The following GAREM1 variants were observed in gnomAD, a reference collection of about 807,000 sequenced individuals.
GAREM1 encodes GRB2-associated and regulator of MAPK protein 1.
A neutral mutation model predicts 71.3 loss-of-function variants in GAREM1; 26 were observed. The ratio of observed to expected loss-of-function variants is 0.36; its 90% confidence interval spans 0.27 to 0.51. The LOEUF is 0.51. Among genes scored for constraint, GAREM1 ranks in the 20% least tolerant of loss-of-function variants. The pLI is 0.95. For missense variants in GAREM1, 1,026 were observed against 1,103.1 expected (o/e 0.93, Z 0.99); for synonymous variants, 440 against 433.2 (o/e 1.02, Z -0.20).
chr18:32,376,622 G>C (rs774864033), intron 2 of GAREM1, among the ~76,000 whole-genome samples: 1 of 152,198 alleles, frequency 6.6e-6, no homozygotes, highest in Non-Finnish European at 1.5e-5. Flanking sequence ...TGGATCACCT[G>C]AGGTCAGAAG....
chr18:32,409,554 G>A (rs1027197420), intron 1 of GAREM1, among the ~76,000 whole-genome samples: 1 of 152,062 alleles, frequency 6.6e-6, no homozygotes, highest in Non-Finnish European at 1.5e-5. Context: ...TAAGCAAAAA[G>A]GAATGCATGA....
intron 2 of GAREM1, among the ~76,000 whole-genome samples, chr18:32,315,031 GT>G (rs1461522051): frequency 1.3e-5 from 2 of 152,060 alleles, no homozygotes; most frequent in Non-Finnish European, 2.9e-5. Context: ...TTTATGATGA[GT>G]ATTTTAGAAA....
At chr18:32,291,103 G>A (rs1035844134) in intron 3 of GAREM1, among the ~76,000 whole-genome samples, 1 of 151,920 alleles carries the variant, frequency 6.6e-6, no homozygotes, top group Non-Finnish European at 1.5e-5. Context: ...AAATATAGGA[G>A]GCTGACTGAA....
intron 1 of GAREM1, among the ~76,000 whole-genome samples, chr18:32,406,733 T>G (rs768849931): frequency 6.6e-6 from 1 of 152,162 alleles, no homozygotes; most frequent in Non-Finnish European, 1.5e-5. Context: ...CAGGTAATAA[T>G]TGAAGTCAAT....
chr18:32,455,855 A>G (rs897735856), intron 1 of GAREM1, among the ~76,000 whole-genome samples: 2 of 152,196 alleles, frequency 1.3e-5, no homozygotes, highest in Non-Finnish European at 2.9e-5. Flanking sequence ...TCCTGGAAAG[A>G]AAGGTGTTGC....
chr18:32,304,425 G>A (rs1463976948), intron 3 of GAREM1, among the ~76,000 whole-genome samples: 42 of 152,126 alleles, frequency 2.8e-4, no homozygotes, highest in Non-Finnish European at 1.5e-5. Flanking sequence ...ATGATTCTAT[G>A]TTCTGAACCA....
intron 1 of GAREM1, among the ~76,000 whole-genome samples, chr18:32,406,507 G>A (rs1160835711): frequency 6.6e-6 from 1 of 152,036 alleles, no homozygotes; most frequent in African/African-American, 2.4e-5. Context: ...GGGGAAAGAG[G>A]TGAAATCATA....
chr18:32,381,699 T>C (rs139020474), intron 2 of GAREM1, among the ~76,000 whole-genome samples: 2 of 152,212 alleles, frequency 1.3e-5, no homozygotes, highest in East Asian at 3.8e-4. Flanking sequence ...ACACTTGCCT[T>C]CACTTAATCT....
intron 1 of GAREM1, among the ~76,000 whole-genome samples, chr18:32,400,973 A>C (rs2048309018): frequency 6.6e-6 from 1 of 152,210 alleles, no homozygotes; most frequent in Non-Finnish European, 1.5e-5. Context: ...GCACATATAC[A>C]CCATGGAATA....
rs375849800 is a variant in GAREM1, at chr18:32,310,342, A to G, written c.263-19T>C. ...AATTGCCCTAAAACACAGGATAAAC[A>G]GAAGAGATCTAAGATGTTTATGCTG... On this transcript the variant is annotated intron_variant, in intron 2 of 5. Transcript: ENST00000269209. 50 of 1,613,666 alleles carry G rather than the reference A, an allele frequency of 3.1e-5. No homozygotes were observed. In the African/African-American group the frequency reaches 5.6e-4, roughly 18 times the overall value.
intron 2 of GAREM1, among the ~76,000 whole-genome samples, chr18:32,374,782 G>C (rs976430528): frequency 6.6e-6 from 1 of 152,124 alleles, no homozygotes; most frequent in Admixed American, 6.6e-5. Context: ...CGTGTACCTG[G>C]CATACCACAA....
chr18:32,367,414 TCAGA>T (rs1309462125), intron 2 of GAREM1, among the ~76,000 whole-genome samples: 1 of 152,210 alleles, frequency 6.6e-6, no homozygotes, highest in African/African-American at 2.4e-5. Flanking sequence ...AGTCTAAGAC[TCAGA>T]CAAAGCCTCT....
intron 2 of GAREM1, among the ~76,000 whole-genome samples, chr18:32,388,060 T>C (rs571654341): frequency 3.3e-4 from 50 of 152,276 alleles, no homozygotes; most frequent in Non-Finnish European, 6.0e-4. Flanking sequence ...AGAATGGTTG[T>C]TACCTATGCC....
At chr18:32,273,390 C>G (rs554939529) in intron 4 of GAREM1, among the ~76,000 whole-genome samples, 2 of 152,278 alleles carry the variant, frequency 1.3e-5, no homozygotes, top group East Asian at 3.9e-4. Context: ...AAAGAAGCCA[C>G]TTGTAGTTGA....
intron 1 of GAREM1, among the ~76,000 whole-genome samples, chr18:32,440,849 T>C (rs2048729201): frequency 6.6e-6 from 1 of 152,246 alleles, no homozygotes; most frequent in African/African-American, 2.4e-5. Context: ...CAACTGTGAA[T>C]GGAAAGAAGC....
At chr18:32,415,189 GT>G (rs1434300285) in intron 1 of GAREM1, among the ~76,000 whole-genome samples, 7 of 151,910 alleles carry the variant, frequency 4.6e-5, no homozygotes, top group African/African-American at 1.7e-4. Context: ...CTAATAACAA[GT>G]AACGAGATCA....
At chr18:32,414,704 G>A (rs939141435) in intron 1 of GAREM1, among the ~76,000 whole-genome samples, 2 of 151,866 alleles carry the variant, frequency 1.3e-5, no homozygotes, top group Admixed American at 6.6e-5. Context: ...TAAAACCTAC[G>A]GGATACAGCA....
At position 32,470,298 on chromosome 18, in the gene GAREM1, T is replaced by G. The variant is rs2049039067; in HGVS notation, c.121+10A>C. On this transcript the variant is annotated intron_variant, in intron 1 of 5. Transcript: ENST00000269209. The surrounding 1 kb of genome is among the most constrained non-coding windows in gnomAD (Gnocchi z 4.4). Reference sequence around the variant, plus strand: ...TCGCCCGTCTGCCCCGCGCCCCAGCTGGGACTCACCGTTGTCCAGGCGCGC... The same window carrying G: ...TCGCCCGTCTGCCCCGCGCCCCAGCGGGGACTCACCGTTGTCCAGGCGCGC... 2 of 1,525,310 alleles carry G rather than the reference T, an allele frequency of 1.3e-6. No homozygotes were observed. Among genetic ancestry groups the G allele is most frequent in the Admixed American group, 2.0e-5 (1 of 50,778 alleles). The allele number at this position is 1,525,310 out of a possible 1,614,324, so 94.5% of individuals were successfully genotyped here.
intron 1 of GAREM1, among the ~76,000 whole-genome samples, chr18:32,434,212 C>T (rs1014337073): frequency 2.6e-5 from 4 of 152,102 alleles, no homozygotes; most frequent in Non-Finnish European, 2.9e-5. Context: ...TCAAAAAGAA[C>T]CTTGTTGTGT....
Sources: allele counts gnomAD v4.1 joint callset (sites outside exome capture counted in the v4.1 genomes callset), GRCh38; gene constraint gnomAD v4.1.1; non-coding constraint Gnocchi (gnomAD v3.1); transcripts MANE v1.5; gene names NCBI Gene and HGNC (gene_info 2026-07-23, HGNC 2026-07-21).